Variants in ASCC1 observed in about 807,000 individuals in gnomAD.
The protein encoded by ASCC1 is activating signal cointegrator 1 complex subunit 1, also known as ASC-1 complex subunit P50.
In ASCC1, 35 loss-of-function variants were observed where a neutral mutation model predicts 46.6. The ratio of observed to expected loss-of-function variants is 0.75; its 90% CI spans 0.57 to 0.99. The LOEUF (loss-of-function observed/expected upper bound fraction) is 0.99, where lower values mean the gene tolerates loss of function less well. Ranked by LOEUF, ASCC1 falls within the 50% of genes least tolerant of loss-of-function variation. The probability of loss-of-function intolerance (pLI) is 0.00; values close to 1 mark genes in which losing one functional copy is unlikely to be tolerated. For synonymous variants in ASCC1, 143 were observed against 146.6 expected (o/e 0.98, Z 0.18); for missense variants, 376 against 428.7 (o/e 0.88, Z 1.09).
chr10:72,179,002 C>T (rs540333200), intron 5 of ASCC1, among the ~76,000 whole-genome samples: 2 of 152,078 alleles, frequency 1.3e-5, no homozygotes, highest in East Asian at 1.9e-4. Context: ...TCTTAATGAA[C>T]GTGTCCTTAG....
In ASCC1 at chr10:72,204,650, G is replaced by A; in HGVS notation, c.213-1126C>T. 10 of 1,133,550 alleles carry A rather than the reference G, an allele frequency of 8.8e-6. No homozygotes were observed. In the South Asian group the frequency reaches 1.9e-4, roughly 21 times the overall value. 70.2% of individuals were successfully genotyped at this position (1,133,550 alleles called of 1,614,324 possible). On this transcript the variant is annotated intron_variant, in intron 3 of 9. Coordinates refer to ENST00000672957, the MANE Select transcript of ASCC1 (RefSeq NM_001198800.3). Reference sequence around the variant, plus strand: ...AGTACCCAATTCTACGGATGACTATGTCTAAAACTATTCGTTAGTTTTTGC... The same window carrying A: ...AGTACCCAATTCTACGGATGACTATATCTAAAACTATTCGTTAGTTTTTGC...
intron 9 of ASCC1, among the ~76,000 whole-genome samples, chr10:72,123,352 A>AAAAT (rs1247182489): frequency 3.3e-5 from 5 of 152,114 alleles, no homozygotes; most frequent in African/African-American, 1.2e-4. Flanking sequence ...AAAAAAAAAA[A>AAAAT]AAATGAGAGC....
chr10:72,127,775 G>C (rs996279423), intron 9 of ASCC1, among the ~76,000 whole-genome samples: 2 of 148,676 alleles, frequency 1.3e-5, no homozygotes, highest in Middle Eastern at 7.0e-3. Flanking sequence ...AGGACCACTT[G>C]AGCCCAGGAG....
At chr10:72,116,781 C>T (rs1395899161) in intron 9 of ASCC1, among the ~76,000 whole-genome samples, 1 of 152,020 alleles carries the variant, frequency 6.6e-6, no homozygotes, top group Non-Finnish European at 1.5e-5. Context: ...TTAATAGTTC[C>T]CAATTCTCTG....
intron 7 of ASCC1, among the ~76,000 whole-genome samples, chr10:72,151,969 G>A (rs903777516): frequency 2.7e-5 from 4 of 146,198 alleles, no homozygotes; most frequent in South Asian, 2.2e-4. Flanking sequence ...GATTACAGGC[G>A]TGAGCCACCG....
At chr10:72,191,586 A>C (rs557486968) in intron 5 of ASCC1, among the ~76,000 whole-genome samples, 13 of 152,288 alleles carry the variant, frequency 8.5e-5, no homozygotes, top group African/African-American at 3.1e-4. Flanking sequence ...AGATCTAAAT[A>C]TAAAAAACCA....
At chr10:72,112,539 A>G (rs1564589669) in intron 9 of ASCC1, among the ~76,000 whole-genome samples, 1 of 152,208 alleles carries the variant, frequency 6.6e-6, no homozygotes, top group African/African-American at 2.4e-5. Context: ...TGAATTGTAC[A>G]CTTAAAAATG....
intron 5 of ASCC1, among the ~76,000 whole-genome samples, chr10:72,187,496 G>A (rs534423139): frequency 2.0e-5 from 3 of 151,730 alleles, no homozygotes; most frequent in African/African-American, 7.2e-5. Context: ...TGGGCCAGGC[G>A]GATCACGAGG....
chr10:72,097,338 G>A lies in ASCC1; in HGVS notation c.1070C>T (p.Ser357Phe). 6.2e-7 allele frequency: 1 copy of A among 1,601,476 alleles called. No individual in the cohort carries two copies. The highest frequency in any genetic ancestry group is 8.6e-7 in the Non-Finnish European group (1 of 1,168,646). Reference sequence around the variant, plus strand: ...TAGTGCTTTCCAAGATCCACCTCAGGAGAAGTCAATTTGTCCACAGGAAGC... The same window carrying A: ...TAGTGCTTTCCAAGATCCACCTCAGAAGAAGTCAATTTGTCCACAGGAAGC... ...NYASCGQIDF[S>F] is the part of the protein sequence containing the mutation. The change falls in exon 10 of 10, where the codon TCC (serine) becomes TTC (phenylalanine). Residue 357 changes from serine (S) to phenylalanine (F), a missense_variant. Transcript: ENST00000672957.
At chr10:72,151,836 A>G (rs950414398) in intron 7 of ASCC1, among the ~76,000 whole-genome samples, 6 of 151,414 alleles carry the variant, frequency 4.0e-5, no homozygotes, top group African/African-American at 7.3e-5. Flanking sequence ...CTACAGGAGC[A>G]TGCCACCACA....
intron 5 of ASCC1, among the ~76,000 whole-genome samples, chr10:72,170,028 G>A (rs1332076646): frequency 1.3e-5 from 2 of 152,094 alleles, no homozygotes; most frequent in Non-Finnish European, 2.9e-5. Context: ...GCTGAGGCAG[G>A]AGAATTGCTT....
At chr10:72,105,696 T>C (rs1295330860) in intron 9 of ASCC1, among the ~76,000 whole-genome samples, 3 of 152,150 alleles carry the variant, frequency 2.0e-5, no homozygotes, top group African/African-American at 7.2e-5. Context: ...CATGTTTCTT[T>C]CCTAGGGAGA....
Position 72,130,347 on chromosome 10 carries a change from T to TTA in ASCC1, c.872-2182_872-2181dup, listed in dbSNP as rs148845377. Reference sequence around the variant, plus strand: ...TTTAACCAGACTAAAAACCACTAAATTATATATATATATCAAGAGAGTAAA... The same window carrying TTA: ...TTTAACCAGACTAAAAACCACTAAATTATATATATATATATCAAGAGAGTAAA... On this transcript the variant is annotated intron_variant, in intron 8 of 9. Transcript: ENST00000672957. 2.0e-3 allele frequency among the ~76,000 whole-genome samples: 300 copies of TTA among 151,940 alleles called. 2 individuals carry two copies. The highest frequency in any genetic ancestry group is 6.4e-3 in the African/African-American group (267 of 41,480).
chr10:72,141,070 TAGATAGATAG>T (rs1027529732), intron 7 of ASCC1, among the ~76,000 whole-genome samples: 4 of 150,906 alleles, frequency 2.7e-5, no homozygotes, highest in Non-Finnish European at 4.4e-5. Context: ...GATAGATAGA[TAGATAGATAG>T]ATAGATATAG....
At chr10:72,215,623 C>T (rs960030026) in intron 1 of ASCC1, among the ~76,000 whole-genome samples, 2 of 152,116 alleles carry the variant, frequency 1.3e-5, no homozygotes, top group African/African-American at 4.8e-5. Context: ...AAAAATGTTC[C>T]CCACAAAAAC....
intron 5 of ASCC1, chr10:72,189,850 A>T (rs1015513983): frequency 2.0e-6 from 1 of 495,300 alleles, no homozygotes; most frequent in Non-Finnish European, 3.6e-6. Flanking sequence ...CCATTGTTCT[A>T]TTTTATTCCA....
intron 7 of ASCC1, among the ~76,000 whole-genome samples, chr10:72,141,644 C>T (rs545453809): frequency 6.6e-6 from 1 of 152,260 alleles, no homozygotes; most frequent in African/African-American, 2.4e-5. Context: ...TATCAAACAT[C>T]TACCTAGTTT....
intron 5 of ASCC1, among the ~76,000 whole-genome samples, chr10:72,173,900 T>C (rs1369663192): frequency 6.6e-6 from 1 of 152,236 alleles, no homozygotes; most frequent in East Asian, 1.9e-4. Flanking sequence ...CTCCATTAGG[T>C]TGGCCACCCA....
intron 5 of ASCC1, among the ~76,000 whole-genome samples, chr10:72,180,604 C>T (rs1348049132): frequency 6.6e-6 from 1 of 151,800 alleles, no homozygotes; most frequent in African/African-American, 2.4e-5. Flanking sequence ...CCAGCCTGAG[C>T]AACAGAATGA....
Sources: allele counts gnomAD v4.1 joint callset (sites outside exome capture counted in the v4.1 genomes callset), GRCh38; gene constraint gnomAD v4.1.1; transcripts MANE v1.5; gene names NCBI Gene and HGNC (gene_info 2026-07-23, HGNC 2026-07-21).